CDC45: variants seen among roughly 807,000 people sequenced by gnomAD.
CDC45 encodes cell division control protein 45 homolog.
CDC45 carries 54 observed loss-of-function variants against 77.8 expected under a neutral mutation model. That is an observed-to-expected ratio of 0.69 (90% CI 0.56 to 0.87). CDC45 has a LOEUF of 0.87. Ranked by LOEUF, CDC45 falls within the 40% of genes least tolerant of loss-of-function variation. CDC45 has a pLI of 0.00. For missense variants in CDC45, 649 were observed against 721.6 expected (o/e 0.90, Z 1.15); for synonymous variants, 260 against 272.1 (o/e 0.96, Z 0.44).
At chr22:19,505,582 G>A in intron 10 of CDC45, 101 bp downstream of exon 10, 1 of 1,361,558 alleles carries the variant, frequency 7.3e-7, no homozygotes, top group South Asian at 1.2e-5. Context: ...ATCCCCAGGA[G>A]GGAAAGCAGG....
At chr22:19,519,248 G>C (rs942548290) in intron 18 of CDC45, among the ~76,000 whole-genome samples, 3 of 152,232 alleles carry the variant, frequency 2.0e-5, no homozygotes, top group Admixed American at 6.5e-5. Context: ...AGGCCACCTG[G>C]AGCCTCCTGT....
At chr22:19,487,767 C>T (rs1025532020) in intron 5 of CDC45, among the ~76,000 whole-genome samples, 1 of 151,652 alleles carries the variant, frequency 6.6e-6, no homozygotes, top group African/African-American at 2.4e-5. Context: ...AAAAAATTTC[C>T]CGGGCATGGT....
At chr22:19,500,720 A>G (rs1446925865) in intron 9 of CDC45, among the ~76,000 whole-genome samples, 1 of 152,040 alleles carries the variant, frequency 6.6e-6, no homozygotes, top group Non-Finnish European at 1.5e-5. Context: ...TCTCCCTAAA[A>G]GCCCCAGCCC....
At chr22:19,488,241 C>T (rs778513998) in intron 5 of CDC45, among the ~76,000 whole-genome samples, 5 of 152,244 alleles carry the variant, frequency 3.3e-5, no homozygotes, top group Non-Finnish European at 5.9e-5. Flanking sequence ...TACTCCAGAA[C>T]CTAGCAGCTT....
chr22:19,480,657 G>A (rs2089965080), intron 2 of CDC45, among the ~76,000 whole-genome samples: 1 of 152,114 alleles, frequency 6.6e-6, no homozygotes, highest in Non-Finnish European at 1.5e-5. Flanking sequence ...GTTTTGAATA[G>A]GGCATAGTAT....
At chr22:19,497,332 C>T in intron 7 of CDC45, 54 bp from the exon 8 acceptor site, 1 of 1,545,256 alleles carries the variant, frequency 6.5e-7, no homozygotes, top group Admixed American at 1.7e-5. Flanking sequence ...CTGCATGGCC[C>T]AGCCCCAGCA....
chr22:19,487,910 CAAAAAAAAAAAA>C (rs11291499), intron 5 of CDC45, among the ~76,000 whole-genome samples: 10 of 68,778 alleles, frequency 1.5e-4, no homozygotes, highest in Non-Finnish European at 2.3e-4. Flanking sequence ...GACTCCGTCT[CAAAAAAAAAAAA>C]AAAAAAAAAA....
chr22:19,505,053 CACTT>C (rs1195223796), intron 9 of CDC45: 3 of 374,948 alleles, frequency 8.0e-6, no homozygotes, highest in South Asian at 3.1e-5. Context: ...GGATCCCTGT[CACTT>C]ACGGAGTCTG....
In CDC45 at chr22:19,515,055, G is replaced by A; in HGVS notation, c.1440+7G>A. The A allele has an allele frequency of 6.3e-7, 1 of 1,593,260 alleles. No individual in the cohort carries two copies. The highest frequency in any genetic ancestry group is 8.6e-7 in the Non-Finnish European group (1 of 1,167,696). On this transcript the variant is annotated splice_region_variant and intron_variant, in intron 15 of 18. Coordinates refer to ENST00000263201, the MANE Select transcript of CDC45 (RefSeq NM_003504.5). ...CAAGTCCTTTGTGTGTTCGGTGAGG[G>A]GCCAGGCGGGTGCTGTGGGTACAGG...
At chr22:19,498,428 C>A (rs912733122) in intron 8 of CDC45, among the ~76,000 whole-genome samples, 1 of 152,240 alleles carries the variant, frequency 6.6e-6, no homozygotes, top group South Asian at 2.1e-4. Context: ...GTCCGCTGTG[C>A]GGGCTGCACC....
At chr22:19,515,479 C>T (rs748230786) in intron 15 of CDC45, among the ~76,000 whole-genome samples, 23 of 152,200 alleles carry the variant, frequency 1.5e-4, no homozygotes, top group Non-Finnish European at 2.4e-4. Context: ...ACTTGGCTGG[C>T]TTTAGGGCAG....
In CDC45 at chr22:19,505,481, AGTATCCTT is replaced by A. The variant is rs1336313553; in HGVS notation, c.824+3_824+10del. ...TGCACACGGATCTCCTTTGAGTATG[AGTATCCTT>A]GTGGCCCAGCCTGAGGGGCACAGGC... is the stretch of plus-strand genomic sequence containing the variant. On this transcript the variant is annotated splice_donor_variant and splice_donor_5th_base_variant and intron_variant, in intron 10 of 18. Transcript: ENST00000263201. LOFTEE classifies it high-confidence loss of function. The A allele has an allele frequency of 6.2e-7, 1 of 1,613,894 alleles. No homozygotes were observed. The highest frequency in any genetic ancestry group is 1.3e-5 in the African/African-American group (1 of 74,912).
intron 9 of CDC45, among the ~76,000 whole-genome samples, chr22:19,503,620 A>G (rs1932988364): frequency 6.6e-6 from 1 of 152,202 alleles, no homozygotes; most frequent in South Asian, 2.1e-4. Context: ...CAAGACAAAG[A>G]CAAACAAAAG....
intron 12 of CDC45, 39 bp downstream of exon 12, chr22:19,507,903 C>A: frequency 1.5e-6 from 2 of 1,373,762 alleles, no homozygotes; most frequent in Non-Finnish European, 2.1e-6. Flanking sequence ...TCATTACATC[C>A]AGGTTCATTA....
intron 13 of CDC45, 131 bp from the exon 14 acceptor site, chr22:19,514,618 G>A (rs13447276): frequency 2.8e-6 from 2 of 704,582 alleles, no homozygotes; most frequent in East Asian, 2.7e-5. Flanking sequence ...CAACTCAGGA[G>A]GGAAAGAAGA....
At chr22:19,497,512 C>A in intron 8 of CDC45, 65 bp downstream of exon 8, 1 of 1,338,430 alleles carries the variant, frequency 7.5e-7, no homozygotes, top group Non-Finnish European at 1.1e-6. Context: ...ACATAAGCAG[C>A]TCTGTCCTCC....
intron 13 of CDC45, among the ~76,000 whole-genome samples, chr22:19,511,557 T>G (rs1457134301): frequency 3.9e-5 from 6 of 152,152 alleles, no homozygotes; most frequent in Admixed American, 3.9e-4. Flanking sequence ...CTCAAACTCC[T>G]GGGCTCAAGC....
At chr22:19,516,920 A>G (rs1178157482) in intron 17 of CDC45, 27 bp downstream of exon 17, 1 of 1,589,374 alleles carries the variant, frequency 6.3e-7, no homozygotes, top group East Asian at 2.2e-5. Flanking sequence ...ACTCTGCCAC[A>G]CTTTCCCACC....
rs1052559486 is a variant in CDC45, at chr22:19,507,966, A to G, written c.1055+102A>G. 14 of 741,660 alleles carry G rather than the reference A, an allele frequency of 1.9e-5. No homozygotes were observed. The Admixed American group carries it at 4.0e-4, about 21-fold the overall frequency. 45.9% of individuals were successfully genotyped at this position (741,660 alleles called of 1,614,324 possible). On this transcript the variant is annotated intron_variant, in intron 12 of 18. Coordinates refer to ENST00000263201, the MANE Select transcript of CDC45 (RefSeq NM_003504.5). ...TCCTAAAATAATGCAAAAAAAACCA[A>G]CGTGCTCCTAAAATAATGCAAAAAA...
Sources: allele counts gnomAD v4.1 joint callset (sites outside exome capture counted in the v4.1 genomes callset), GRCh38; gene constraint gnomAD v4.1.1; transcripts MANE v1.5; gene names NCBI Gene and HGNC (gene_info 2026-07-23, HGNC 2026-07-21).